Variants in ATG9A observed in about 807,000 individuals in gnomAD.
ATG9A encodes the protein autophagy related 9A, also known as autophagy-related protein 9A.
A neutral mutation model predicts 87.1 loss-of-function variants in ATG9A; 21 were observed. The observed-to-expected ratio is 0.24, with a 90% CI of 0.17 to 0.35. ATG9A has a LOEUF of 0.35. ATG9A is among the 10% of genes least tolerant of loss of function. ATG9A has a pLI of 1.00. For synonymous variants in ATG9A, 422 were observed against 441.3 expected (o/e 0.96, Z 0.55); for missense variants, 836 against 1,107.3 (o/e 0.76, Z 3.48).
chr2:219,224,822 CA>C lies in ATG9A; in HGVS notation c.548del (p.Val183GlyfsTer21). ...SALPYCTWQE[V>X]QARIVQTQKE... ...TCTGCGTCTGCACGATCCGGGCCTG[CA>C]CTTCTTGCCACGTGCAATACGGAAG... On this transcript the variant is annotated frameshift_variant, in exon 8 of 16. Coordinates refer to ENST00000361242, the MANE Select transcript of ATG9A (RefSeq NM_001077198.3). LOFTEE classifies it high-confidence loss of function. The surrounding 1 kb of genome is among the most constrained non-coding windows in gnomAD (Gnocchi z 7.7). The C allele has an allele frequency of 6.2e-7, 1 of 1,613,980 alleles. No individual in the cohort carries two copies. Among genetic ancestry groups the C allele is most frequent in the Non-Finnish European group, 8.5e-7 (1 of 1,180,022 alleles).
chr2:219,220,029 G>A lies in ATG9A; in HGVS notation c.*418C>T, dbSNP rs1270186792. On this transcript the variant is annotated 3_prime_UTR_variant, in exon 16 of 16. Coordinates refer to ENST00000361242, the MANE Select transcript of ATG9A (RefSeq NM_001077198.3). Reference sequence around the variant, plus strand: ...ACCTGCTCATCTATTGAGGGGGCTAGGGAAGGTTGCAGGGGTTGAGGGTCC... The same window carrying A: ...ACCTGCTCATCTATTGAGGGGGCTAAGGAAGGTTGCAGGGGTTGAGGGTCC... 4.5e-6 allele frequency: 1 copy of A among 223,904 alleles called. No homozygotes were observed. Among genetic ancestry groups the A allele is most frequent in the Non-Finnish European group, 9.0e-6 (1 of 111,026 alleles). 13.9% of individuals were successfully genotyped at this position (223,904 alleles called of 1,614,324 possible). A position where few individuals can be genotyped will look rare whatever the true frequency, so the allele number is the denominator to read the frequency against.
chr2:219,223,784 G>A lies in ATG9A; in HGVS notation c.1420-20C>T, dbSNP rs1018333619. ...GAACACCTAAAAGGGCGGGACCAAG[G>A]TCACAAGCGAGCAGGAGGGAGCCCA... is the stretch of plus-strand genomic sequence containing the variant. On this transcript the variant is annotated intron_variant, in intron 9 of 15. Transcript: ENST00000361242. This position sits in a 1 kb window ranked among gnomAD's most constrained non-coding sequence, Gnocchi z 4.7. 15 of 1,613,550 alleles carry A rather than the reference G, an allele frequency of 9.3e-6. No homozygotes were observed. The highest frequency in any genetic ancestry group is 1.2e-5 in the Non-Finnish European group (14 of 1,179,872).
chr2:219,226,769 G>T, intron 5 of ATG9A, 100 bp downstream of exon 5: 2 of 1,102,068 alleles, frequency 1.8e-6, no homozygotes, highest in Non-Finnish European at 2.8e-6. Context: ...TTTAGCCTAG[G>T]ACTGAGTTGT....
intron 13 of ATG9A, 43 bp from the exon 14 acceptor site, chr2:219,221,345 C>A (rs1253267227): frequency 6.8e-7 from 1 of 1,480,754 alleles, no homozygotes; most frequent in Non-Finnish European, 9.0e-7. Flanking sequence ...AGACGGATGT[C>A]CATCTGAAAC....
Position 219,224,920 on chromosome 2 carries a change from C to G in ATG9A, c.517-66G>C. Reference sequence around the variant, plus strand: ...GGGTTGTTGCCTCGACCCCTTTGCCCTATATTAGAAGTGAGATTCAGGGGT... The same window carrying G: ...GGGTTGTTGCCTCGACCCCTTTGCCGTATATTAGAAGTGAGATTCAGGGGT... On this transcript the variant is annotated intron_variant, in intron 7 of 15. Transcript: ENST00000361242. The surrounding 1 kb of genome is among the most constrained non-coding windows in gnomAD (Gnocchi z 7.7). The G allele has an allele frequency of 6.3e-7, 1 of 1,588,376 alleles. No homozygotes were observed. Among genetic ancestry groups the G allele is most frequent in the Non-Finnish European group, 8.6e-7 (1 of 1,164,004 alleles).
Position 219,224,041 on chromosome 2 carries a change from T to C in ATG9A, c.1266-19A>G, listed in dbSNP as rs913912626. 2 of 1,606,314 alleles carry C rather than the reference T, an allele frequency of 1.2e-6. No homozygotes were observed. Among genetic ancestry groups the C allele is most frequent in the African/African-American group, 1.3e-5 (1 of 74,946 alleles). On this transcript the variant is annotated intron_variant, in intron 8 of 15. Transcript: ENST00000361242. The surrounding 1 kb of genome is among the most constrained non-coding windows in gnomAD (Gnocchi z 7.7). The stretch of plus-strand genomic sequence containing the variant: ...AAAGGACCTAGTGGGATCAGGATCA[T>C]GGTGAGATGTATGCCTTTCCCAGGA...
rs773614867 is a variant in ATG9A at position 219,223,825 on chromosome 2, C to G, written c.1419+44G>C. On this transcript the variant is annotated intron_variant, in intron 9 of 15. Transcript: ENST00000361242. The surrounding 1 kb of genome is among the most constrained non-coding windows in gnomAD (Gnocchi z 4.7). ...AGGGAGCCCAGCCCTCACCACCGAGCTACCAGCCAGTCTCTAGCAGGCCCT... is the reference window on the plus strand; with the variant it reads ...AGGGAGCCCAGCCCTCACCACCGAGGTACCAGCCAGTCTCTAGCAGGCCCT... The G allele has an allele frequency of 1.9e-6, 3 of 1,613,874 alleles. No individual in the cohort carries two copies. In the African/African-American group the frequency reaches 4.0e-5, roughly 22 times the overall value.
chr2:219,220,624 TGGAA>T (rs1166467967), intron 15 of ATG9A, 119 bp downstream of exon 15: 1 of 1,494,546 alleles, frequency 6.7e-7, no homozygotes, highest in Non-Finnish European at 9.1e-7. Flanking sequence ...TAGTGTGTTT[TGGAA>T]GGGAGGGTAC....
rs1950753101 is a variant in ATG9A, at chr2:219,221,246, C to T, written c.2202G>A (p.Glu734=). The change falls in exon 14 of 16, where the codon GAG becomes GAA. Residue 734 remains glutamate (E), a synonymous_variant. Coordinates refer to ENST00000361242, the MANE Select transcript of ATG9A (RefSeq NM_001077198.3). ...GGGCGCTTTCTCCACTCTCATCACT[C>T]TCCCGGCGGTGCCATACATGCCGCT... The part of the protein sequence containing the change: ...EPERHVWHRR[E]SDESGESAPD... 8 of 1,579,288 alleles carry T rather than the reference C, an allele frequency of 5.1e-6. No individual in the cohort carries two copies. Among genetic ancestry groups the T allele is most frequent in the Non-Finnish European group, 6.0e-6 (7 of 1,163,790 alleles).
At position 219,223,719 on chromosome 2, in the gene ATG9A, T is replaced by A; in HGVS notation, c.1465A>T (p.Ile489Phe). The change falls in exon 10 of 16, where the codon ATC (isoleucine) becomes TTC (phenylalanine). Residue 489 changes from isoleucine to phenylalanine, a missense_variant. This residue lies in a region of ATG9A where 512 missense variants were observed against 759.6 expected (regional missense o/e 0.67). Transcript: ENST00000361242. The surrounding 1 kb of genome is among the most constrained non-coding windows in gnomAD (Gnocchi z 4.7). ...ELLSPIVTPL[I>F]LIFCLRPRAL... is the part of the protein sequence containing the mutation. ...CGTGGGCGCAGGCAGAAGATGAGGA[T>A]GAGGGGTGTGACAATGGGGCTCAGC... The A allele has an allele frequency of 6.2e-7, 1 of 1,613,302 alleles. No homozygotes were observed. The highest frequency in any genetic ancestry group is 8.5e-7 in the Non-Finnish European group (1 of 1,179,806).
At chr2:219,227,629 A>G (rs1434662816) in intron 4 of ATG9A, 141 bp downstream of exon 4, 1 of 974,700 alleles carries the variant, frequency 1.0e-6, no homozygotes, top group Non-Finnish European at 1.6e-6. Context: ...CGATGATTTC[A>G]CCAGCCTCTT....
In ATG9A at chr2:219,222,408, G is replaced by A. The variant is rs548518455; in HGVS notation, c.1891C>T (p.Arg631Trp). The A allele has an allele frequency of 2.8e-5, 45 of 1,585,728 alleles. No individual in the cohort carries two copies. The highest frequency in any genetic ancestry group is 3.4e-5 in the Non-Finnish European group (40 of 1,166,652). Residue 631 changes from arginine to tryptophan, a missense_variant, in exon 12 of 16, where the codon CGG becomes TGG. Arg to Trp is a moderately radical substitution (Grantham distance 101, BLOSUM62 -3). This residue lies in a region of ATG9A where 324 missense variants were observed against 347.6 expected (regional missense o/e 0.93). Transcript: ENST00000361242. The surrounding 1 kb of genome is among the most constrained non-coding windows in gnomAD (Gnocchi z 4.3). ...IANVVAGSSCRGPPLPRDLQG... is the reference protein window; with the variant it reads ...IANVVAGSSCWGPPLPRDLQG... ...AGGTCTCTGGGCAGTGGAGGGCCCC[G>A]GCAGGATGAGCCAGCTACCACATTT...
At chr2:219,225,633 T>G in intron 5 of ATG9A, 61 bp from the exon 6 acceptor site, 4 of 1,564,748 alleles carry the variant, frequency 2.6e-6, no homozygotes, top group Non-Finnish European at 3.5e-6. Context: ...TGAAACCCAG[T>G]GGGAAGAGGA....
In ATG9A at chr2:219,220,458, G is replaced by C; in HGVS notation, c.2515-6C>G. On this transcript the variant is annotated splice_polypyrimidine_tract_variant and splice_region_variant and intron_variant, in intron 15 of 15. Transcript: ENST00000361242. ...CTGCTCAGCCTTGTCTATACCTGTG[G>C]GGAGAAAGGGTTGGTAATGGAGATA... 1 of 1,613,764 alleles carries C rather than the reference G, an allele frequency of 6.2e-7. No homozygotes were observed. The highest frequency in any genetic ancestry group is 2.2e-5 in the East Asian group (1 of 44,880).
chr2:219,221,269 G>A lies in ATG9A; in HGVS notation c.2179C>T (p.Arg727Trp), dbSNP rs1376695742. Residue 727 changes from arginine to tryptophan, a missense_variant, in exon 14 of 16, where the codon CGG becomes TGG. Arg to Trp is a moderately radical substitution (Grantham distance 101). Coordinates refer to ENST00000361242, the MANE Select transcript of ATG9A (RefSeq NM_001077198.3). ...HKQQAQAEPE[R>W]HVWHRRESDE... Reference sequence around the variant, plus strand: ...CTCTCCCGGCGGTGCCATACATGCCGCTCAGGTTCAGCCTGGGCCTGCTGC... The same window carrying A: ...CTCTCCCGGCGGTGCCATACATGCCACTCAGGTTCAGCCTGGGCCTGCTGC... The A allele has an allele frequency of 2.5e-6, 4 of 1,570,224 alleles. No individual in the cohort carries two copies. The highest frequency in any genetic ancestry group is 3.5e-6 in the Non-Finnish European group (4 of 1,158,954).
rs1950751499 is a variant in ATG9A at position 219,221,170 on chromosome 2, C to T, written c.2278G>A (p.Ala760Thr). ...CGGGGTGCTGCACAGGGATAGCTAG[C>T]AGAGCGAGGGATAGACTGGGGGGCC... ...ARAPQSIPRSASYPCAAPRPG... is the reference protein window; with the variant it reads ...ARAPQSIPRSTSYPCAAPRPG... Residue 760 changes from alanine to threonine, a missense_variant, in exon 14 of 16, where the codon GCT becomes ACT. Ala to Thr is a moderately conservative substitution (Grantham distance 58). This residue lies in a region of ATG9A where 324 missense variants were observed against 347.6 expected (regional missense o/e 0.93). Coordinates refer to ENST00000361242, the MANE Select transcript of ATG9A (RefSeq NM_001077198.3). 1 of 1,605,624 alleles carries T rather than the reference C, an allele frequency of 6.2e-7. No homozygotes were observed. The highest frequency in any genetic ancestry group is 1.3e-5 in the African/African-American group (1 of 74,718).
chr2:219,223,523 C>T lies in ATG9A; in HGVS notation c.1599+62G>A. 1.3e-6 allele frequency: 2 copies of T among 1,515,068 alleles called. No homozygotes were observed. Among genetic ancestry groups the T allele is most frequent in the South Asian group, 2.6e-5 (2 of 76,092 alleles). The allele number at this position is 1,515,068 out of a possible 1,614,324, so 93.9% of individuals were successfully genotyped here. On this transcript the variant is annotated intron_variant, in intron 10 of 15. Coordinates refer to ENST00000361242, the MANE Select transcript of ATG9A (RefSeq NM_001077198.3). This position sits in a 1 kb window ranked among gnomAD's most constrained non-coding sequence, Gnocchi z 4.7. ...AGGAGAGGTGTCTTTTTGCGGTTTT[C>T]CCAAAGACACTGTATGTTCCAGCAT...
chr2:219,222,861 C>T lies in ATG9A; in HGVS notation c.1632G>A (p.Val544=), dbSNP rs781312089. 10 of 1,614,008 alleles carry T rather than the reference C, an allele frequency of 6.2e-6. No individual in the cohort carries two copies. In the Admixed American group the frequency reaches 1.7e-4, roughly 27 times the overall value. The change falls in exon 11 of 16, where the codon GTG becomes GTA. Residue 544 remains valine (V), a synonymous_variant. Coordinates refer to ENST00000361242, the MANE Select transcript of ATG9A (RefSeq NM_001077198.3). This position sits in a 1 kb window ranked among gnomAD's most constrained non-coding sequence, Gnocchi z 4.3. ...TCTTTCCATCCTCAGCTTGCTGGTA[C>T]ACTGAGGCCTCTGTCTGCCCAGCAG... is the stretch of plus-strand genomic sequence containing the variant. ...WLSAGQTEAS[V]YQQAEDGKTE... is the part of the protein sequence containing the mutation.
chr2:219,223,906 G>A lies in ATG9A; in HGVS notation c.1382C>T (p.Thr461Ile), dbSNP rs1284089180. The change falls in exon 9 of 16, where the codon ACC becomes ATC. Residue 461 changes from threonine (T) to isoleucine (I), a missense_variant. By Grantham distance (89) the Thr-to-Ile change is moderately conservative. Coordinates refer to ENST00000361242, the MANE Select transcript of ATG9A (RefSeq NM_001077198.3). This position sits in a 1 kb window ranked among gnomAD's most constrained non-coding sequence, Gnocchi z 4.7. ...GAAGAGCTGGGCAAACTCGTCCCGG[G>A]TCTGCGAGCGGTGGGCATTACCCTG... The part of the protein sequence containing the change: ...HWQGNAHRSQ[T>I]RDEFAQLFQY... The A allele has an allele frequency of 1.7e-5, 28 of 1,614,082 alleles. No homozygotes were observed. Among genetic ancestry groups the A allele is most frequent in the Non-Finnish European group, 2.3e-5 (27 of 1,180,052 alleles).
Sources: allele counts gnomAD v4.1 joint callset, GRCh38; gene constraint gnomAD v4.1.1; regional missense constraint gnomAD v4.1.1; non-coding constraint Gnocchi (gnomAD v3.1); transcripts MANE v1.5; gene names NCBI Gene and HGNC (gene_info 2026-07-23, HGNC 2026-07-21).